The following MED13L variants were observed in gnomAD, a reference collection of about 807,000 sequenced individuals.
MED13L encodes the protein mediator of RNA polymerase II transcription subunit 13-like.
In MED13L, 7 loss-of-function variants were observed where a neutral mutation model predicts 220.9. That is an observed-to-expected ratio of 0.03 (90% CI 0.02 to 0.06). The LOEUF is 0.06. Ranked by LOEUF, MED13L falls within the 10% of genes least tolerant of loss-of-function variation. MED13L has a pLI of 1.00. For missense variants in MED13L, 1,965 were observed against 2,760.5 expected, an observed-to-expected ratio of 0.71 and a Z score of 6.46; for synonymous variants, 1,011 against 1,015.2, an observed-to-expected ratio of 1.00 and a Z score of 0.08.
At chr12:116,127,481 A>G (rs1057056096) in intron 2 of MED13L, among the ~76,000 whole-genome samples, 1 of 152,226 alleles carries the variant, frequency 6.6e-6, no homozygotes, top group Non-Finnish European at 1.5e-5. Flanking sequence ...TTTAAATATA[A>G]GTACCCCTAT....
intron 14 of MED13L, among the ~76,000 whole-genome samples, chr12:116,000,685 G>A (rs1389622803): frequency 6.6e-6 from 1 of 152,122 alleles, no homozygotes; most frequent in Admixed American, 6.5e-5. Context: ...GTAAGAAAGT[G>A]GTTAATAATA....
In MED13L at chr12:115,983,498, A is replaced by G; in HGVS notation, c.4574T>C (p.Ile1525Thr). 6.2e-7 allele frequency: 1 copy of G among 1,614,174 alleles called. No homozygotes were observed. Among genetic ancestry groups the G allele is most frequent in the Non-Finnish European group, 8.5e-7 (1 of 1,180,018 alleles). ...TGGTGGGGTCTGGTATTTAGGTGGT[A>G]TCAATAGGCTGCTATCAAGCTGCAG... ...ATLQLDSSLLIPPKYQTPPAA... is the reference protein window; with the variant it reads ...ATLQLDSSLLTPPKYQTPPAA... Residue 1525 changes from isoleucine to threonine, a missense_variant, in exon 21 of 31, where the codon ATA (isoleucine) becomes ACA (threonine). Ile to Thr is a moderately conservative substitution (Grantham distance 89). Around this residue, in one of 10 missense-constraint regions of MED13L, gnomAD observed 510 missense variants for 620.4 expected, o/e 0.82. Transcript: ENST00000281928.
At chr12:116,246,941 AAGGG>A (rs1256238034) in intron 1 of MED13L, among the ~76,000 whole-genome samples, 1 of 133,340 alleles carries the variant, frequency 7.5e-6, no homozygotes, top group Non-Finnish European at 1.6e-5. Flanking sequence ...GGAGGGAAGG[AAGGG>A]AGGGAGGGAG....
chr12:116,151,893 T>A (rs554390448), intron 2 of MED13L, among the ~76,000 whole-genome samples: 2 of 152,198 alleles, frequency 1.3e-5, no homozygotes, highest in Admixed American at 6.5e-5. Context: ...CCTTTATATT[T>A]CTGTATGTTT....
At chr12:116,077,632 A>G (rs1870907476) in intron 4 of MED13L, among the ~76,000 whole-genome samples, 1 of 152,208 alleles carries the variant, frequency 6.6e-6, no homozygotes, top group South Asian at 2.1e-4. Context: ...TGCACAGACT[A>G]ATCTCTGAAA....
chr12:116,046,602 A>G (rs1340330061), intron 4 of MED13L, among the ~76,000 whole-genome samples: 2 of 152,196 alleles, frequency 1.3e-5, no homozygotes, highest in Non-Finnish European at 2.9e-5. Flanking sequence ...TTGCAGTGCA[A>G]TTTTAGTAGC....
intron 2 of MED13L, chr12:116,232,264 TA>T (rs1026722859): frequency 4.0e-6 from 1 of 251,412 alleles, no homozygotes; most frequent in African/African-American, 2.3e-5. Flanking sequence ...AGACTTCTGA[TA>T]CTGTTATAGG....
At position 115,991,287 on chromosome 12, in the gene MED13L, T is replaced by C. The variant is rs1878044534; in HGVS notation, c.3667A>G (p.Ile1223Val). 1 of 1,614,164 alleles carries C rather than the reference T, an allele frequency of 6.2e-7. No individual in the cohort carries two copies. The change falls in exon 17 of 31, where the codon ATA (isoleucine) becomes GTA (valine). Residue 1223 changes from isoleucine to valine, a missense_variant. Physicochemically the swap from Ile to Val is conservative, Grantham distance 29 (BLOSUM62 3). Transcript: ENST00000281928. The surrounding 1 kb of genome is among the most constrained non-coding windows in gnomAD (Gnocchi z 7.7). Reference sequence around the variant, plus strand: ...TTCTGGAGGAGGAGGAGAAGGCTTATGGGTGGCTCCTGGGGTTTTTTGGTT... The same window carrying C: ...TTCTGGAGGAGGAGGAGAAGGCTTACGGGTGGCTCCTGGGGTTTTTTGGTT... ...EGTKKPQEPP[I>V]SLLLLLQNQH...
chr12:116,095,640 AG>A (rs1315473905), intron 4 of MED13L, among the ~76,000 whole-genome samples: 1 of 152,212 alleles, frequency 6.6e-6, no homozygotes, highest in African/African-American at 2.4e-5. Context: ...TAAGGCTTCA[AG>A]GGCTCTAATC....
rs567962646 is a variant in MED13L at position 116,230,485 on chromosome 12, C to T, written c.310+6983G>A. ...AAAATACTACAAATCTACAATGCTG[C>T]TGCAAAATGGTATCATTCATGTTTT... On this transcript the variant is annotated intron_variant, in intron 2 of 30. Coordinates refer to ENST00000281928, the MANE Select transcript of MED13L (RefSeq NM_015335.5). 4.1e-6 allele frequency: 4 copies of T among 984,658 alleles called. No individual in the cohort carries two copies. The Admixed American group carries it at 2.5e-4, about 61-fold the overall frequency. 61.0% of individuals were successfully genotyped at this position (984,658 alleles called of 1,614,324 possible).
intron 2 of MED13L, among the ~76,000 whole-genome samples, chr12:116,126,306 G>A (rs549901288): frequency 3.3e-5 from 5 of 152,248 alleles, no homozygotes; most frequent in South Asian, 2.1e-4. Context: ...ATGTTCTTTC[G>A]AAATCTGGCT....
chr12:116,085,172 C>T (rs1303493434), intron 4 of MED13L, among the ~76,000 whole-genome samples: 2 of 152,114 alleles, frequency 1.3e-5, no homozygotes, highest in African/African-American at 2.4e-5. Context: ...TGTGTTGAGG[C>T]TATTTCTACT....
At chr12:116,092,293 A>T (rs1872292229) in intron 4 of MED13L, among the ~76,000 whole-genome samples, 2 of 152,182 alleles carry the variant, frequency 1.3e-5, no homozygotes, top group Non-Finnish European at 2.9e-5. Flanking sequence ...TAGACTAGGG[A>T]TCCCTTCTCC....
intron 4 of MED13L, among the ~76,000 whole-genome samples, chr12:116,068,742 T>C (rs1870142944): frequency 6.6e-6 from 1 of 151,998 alleles, no homozygotes; most frequent in Non-Finnish European, 1.5e-5. Flanking sequence ...TTTTAAGGAC[T>C]CCAATCTGTA....
rs185354493 is a variant in MED13L at position 116,259,111 on chromosome 12, C to T, written c.72+17949G>A. On this transcript the variant is annotated intron_variant, in intron 1 of 30. Coordinates refer to ENST00000281928, the MANE Select transcript of MED13L (RefSeq NM_015335.5). ...CAGCAAAAAATTGAAAGAATCTTAA[C>T]GTTTCTCATAGTTGATGGTTAAACA... Among the ~76,000 whole-genome samples the T allele has an allele frequency of 3.0e-3, 459 of 152,106 alleles. 5 individuals carry two copies. Among genetic ancestry groups the T allele is most frequent in the African/African-American group, 0.01 (427 of 41,488 alleles).
At chr12:116,050,735 G>A (rs1479055183) in intron 4 of MED13L, among the ~76,000 whole-genome samples, 3 of 152,034 alleles carry the variant, frequency 2.0e-5, no homozygotes, top group African/African-American at 7.2e-5. Flanking sequence ...TCAAGAGTTC[G>A]CAACCAGACT....
At chr12:116,163,180 T>C (rs1879011166) in intron 2 of MED13L, among the ~76,000 whole-genome samples, 1 of 152,120 alleles carries the variant, frequency 6.6e-6, no homozygotes, top group Non-Finnish European at 1.5e-5. Context: ...GCCTAATATA[T>C]TCATGAATCA....
At chr12:115,987,006 C>T (rs2137289434) in intron 18 of MED13L, 103 bp downstream of exon 18, 1 of 1,175,452 alleles carries the variant, frequency 8.5e-7, no homozygotes. Flanking sequence ...GAAAAAGACT[C>T]CCCTATTTTG....
chr12:116,093,180 T>C (rs1872379121), intron 4 of MED13L, among the ~76,000 whole-genome samples: 1 of 152,192 alleles, frequency 6.6e-6, no homozygotes, highest in South Asian at 2.1e-4. Flanking sequence ...ATATTCTGAA[T>C]GCAAAAGCTT....
Sources: gnomAD v4.1 joint callset for allele counts (sites outside exome capture counted in the v4.1 genomes callset) on GRCh38, gnomAD v4.1.1 for gene constraint, gnomAD v4.1.1 regional missense constraint, Gnocchi (gnomAD v3.1) non-coding constraint, MANE v1.5 for transcripts, NCBI Gene and HGNC (gene_info 2026-07-23, HGNC 2026-07-21) for gene names.